Variants in TNIP1 observed in about 807,000 individuals in gnomAD.
TNIP1 encodes TNFAIP3-interacting protein 1.
A neutral mutation model predicts 86.6 loss-of-function variants in TNIP1; 22 were observed. That is an observed-to-expected ratio of 0.25 (90% CI 0.18 to 0.36). TNIP1 has a LOEUF of 0.36. Among genes scored for constraint, TNIP1 ranks in the 10% least tolerant of loss-of-function variants. TNIP1 has a pLI of 1.00. For synonymous variants in TNIP1, 294 were observed against 313.0 expected (o/e 0.94, Z 0.64); for missense variants, 709 against 820.6 (o/e 0.86, Z 1.66).
intron 14 of TNIP1, 105 bp downstream of exon 14, chr5:151,035,477 A>C: frequency 6.6e-7 from 1 of 1,522,938 alleles, no homozygotes; most frequent in South Asian, 1.2e-5. Context: ...GCTGGAGAGA[A>C]GCAGTGAGGG....
chr5:151,053,495 C>T (rs1364930993), intron 6 of TNIP1, among the ~76,000 whole-genome samples: 2 of 152,294 alleles, frequency 1.3e-5, no homozygotes, highest in South Asian at 2.1e-4. Context: ...GTCCATGAAC[C>T]ATCAGTCACT....
intron 1 of TNIP1, among the ~76,000 whole-genome samples, chr5:151,070,007 C>CG: frequency 6.6e-6 from 1 of 152,270 alleles, no homozygotes; most frequent in East Asian, 1.9e-4. Flanking sequence ...GCCAACCTTG[C>CG]GAACACGAGG....
intron 4 of TNIP1, among the ~76,000 whole-genome samples, 200 bp from the exon 5 acceptor site, chr5:151,060,595 A>G (rs1004792667): frequency 6.6e-6 from 1 of 152,206 alleles, no homozygotes; most frequent in Non-Finnish European, 1.5e-5. Context: ...ATGTGAGGTC[A>G]TATCCCCTCG....
At chr5:151,072,746 G>A (rs1762956275) in intron 1 of TNIP1, among the ~76,000 whole-genome samples, 1 of 152,120 alleles carries the variant, frequency 6.6e-6, no homozygotes, top group African/African-American at 2.4e-5. Flanking sequence ...TTCCAGGCAT[G>A]GTTTGCCTGA....
chr5:151,042,637 T>G lies in TNIP1; in HGVS notation c.1037A>C (p.Gln346Pro), dbSNP rs1192364878. 6.2e-7 allele frequency: 1 copy of G among 1,614,020 alleles called. No homozygotes were observed. The highest frequency in any genetic ancestry group is 1.7e-5 in the Admixed American group (1 of 60,026). Residue 346 changes from glutamine (Q) to proline (P), a missense_variant, in exon 11 of 18, where the codon CAG (glutamine) becomes CCG (proline). Transcript: ENST00000521591. The stretch of plus-strand genomic sequence containing the variant: ...GGCCTCCAGGTCAGTCACCTGCTTC[T>G]GCAAATCAGCCAGCTTCTGACGCAG... Reference protein sequence around the residue: ...TELRQKLADLQKQVTDLEAER... With the variant: ...TELRQKLADLPKQVTDLEAER...
At chr5:151,034,060 A>G (rs1757306572) in intron 15 of TNIP1, among the ~76,000 whole-genome samples, 1 of 152,074 alleles carries the variant, frequency 6.6e-6, no homozygotes, top group African/African-American at 2.4e-5. Flanking sequence ...ATGGGCACAG[A>G]AGGCTGGTAC....
rs200564984 is a variant in TNIP1, at chr5:151,039,185, C to T, written c.1175G>A (p.Arg392His). 5.0e-6 allele frequency: 8 copies of T among 1,613,718 alleles called. No homozygotes were observed. Among genetic ancestry groups the T allele is most frequent in the East Asian group, 2.2e-5 (1 of 44,876 alleles). ...EQLTAEAKEL[R>H]QKVKYLQDQL... ...ATCCTGCAGGTACTTGACCTTTTGG[C>T]GCAGCTCCTTGGCCTCTGCTGTCAG... The change falls in exon 12 of 18, where the codon CGC becomes CAC. Residue 392 changes from arginine (R) to histidine (H), a missense_variant. Physicochemically the swap from Arg to His is conservative, Grantham distance 29. Transcript: ENST00000521591.
intron 11 of TNIP1, 99 bp downstream of exon 11, chr5:151,042,441 C>G: frequency 6.6e-7 from 1 of 1,514,110 alleles, no homozygotes; most frequent in Non-Finnish European, 8.9e-7. Flanking sequence ...CACTAGACCC[C>G]CGGGTCTCCT....
chr5:151,086,898 G>A (rs543331026), intron 1 of TNIP1, among the ~76,000 whole-genome samples: 1 of 152,380 alleles, frequency 6.6e-6, no homozygotes, highest in South Asian at 2.1e-4. Flanking sequence ...GTGAGGAGCA[G>A]GGGCTGGGAG....
rs760868810 is a variant in TNIP1, at chr5:151,059,828, A to AGTGTGTGT, written c.435+482_435+489dup. ...GAGAGAGAGAGAGAGAGAGAGAGAG[A>AGTGTGTGT]GTGTGTGTGTGTGTGTGTGTGTGTG... On this transcript the variant is annotated intron_variant, in intron 5 of 17. Coordinates refer to ENST00000521591, the MANE Select transcript of TNIP1 (RefSeq NM_006058.5). 1.0e-3 allele frequency among the ~76,000 whole-genome samples: 59 copies of AGTGTGTGT among 56,394 alleles called. 1 individual carries two copies. The highest frequency in any genetic ancestry group is 9.8e-3 in the East Asian group (14 of 1,422). The allele number at this position is 56,394 out of a possible 152,430, so 37.0% of individuals were successfully genotyped here. A position where few individuals can be genotyped will look rare whatever the true frequency, so the allele number is the denominator to read the frequency against.
At chr5:151,076,320 G>A (rs1224071605) in intron 1 of TNIP1, among the ~76,000 whole-genome samples, 2 of 152,196 alleles carry the variant, frequency 1.3e-5, no homozygotes, top group Non-Finnish European at 2.9e-5. Context: ...CCAGGGATAG[G>A]AGGGGCAGGC....
chr5:151,085,629 C>A (rs185674114), upstream of TNIP1, among the ~76,000 whole-genome samples: 2 of 152,212 alleles, frequency 1.3e-5, no homozygotes, highest in Non-Finnish European at 2.9e-5. Context: ...TCGTCACATA[C>A]GTGGCCTAGC....
chr5:151,072,536 C>A (rs2113788296), intron 1 of TNIP1, among the ~76,000 whole-genome samples: 2 of 152,330 alleles, frequency 1.3e-5, no homozygotes, highest in Middle Eastern at 3.4e-3. Flanking sequence ...AGTTCTGTTT[C>A]CACTGGCCCT....
chr5:151,047,858 A>G (rs1014482956), intron 8 of TNIP1, among the ~76,000 whole-genome samples: 6 of 152,188 alleles, frequency 3.9e-5, no homozygotes, highest in Non-Finnish European at 8.8e-5. Context: ...CAAACAGAAG[A>G]AGGTCTGCAG....
chr5:151,056,397 T>C (rs2113612199), intron 6 of TNIP1, among the ~76,000 whole-genome samples: 1 of 152,224 alleles, frequency 6.6e-6, no homozygotes, highest in East Asian at 1.9e-4. Context: ...TCCCCACCTG[T>C]GAAGTGGTGA....
chr5:151,074,686 TA>T (rs1763184269), intron 1 of TNIP1, among the ~76,000 whole-genome samples: 1 of 152,168 alleles, frequency 6.6e-6, no homozygotes, highest in Non-Finnish European at 1.5e-5. Flanking sequence ...AGCTGAAAGC[TA>T]CCTAAAATGA....
intron 4 of TNIP1, 116 bp from the exon 5 acceptor site, chr5:151,060,511 G>T: frequency 1.2e-6 from 1 of 843,726 alleles, no homozygotes; most frequent in Non-Finnish European, 2.0e-6. Flanking sequence ...TGAGTACACA[G>T]GGACCGTTAC....
rs1006566070 is a variant in TNIP1, at chr5:151,035,721, A to T, written c.1396-14T>A. The T allele has an allele frequency of 6.2e-7, 1 of 1,613,418 alleles. No homozygotes were observed. The highest frequency in any genetic ancestry group is 1.7e-5 in the Admixed American group (1 of 59,994). On this transcript the variant is annotated splice_polypyrimidine_tract_variant and intron_variant, in intron 13 of 17. Coordinates refer to ENST00000521591, the MANE Select transcript of TNIP1 (RefSeq NM_006058.5). ...GAAGATCTTCACCTGGTGTGGAGGG[A>T]GGGTGAAGAGAGGGAGGGGGATGGT... is the stretch of plus-strand genomic sequence containing the variant.
At chr5:151,083,468 C>G (rs1764159895), upstream of TNIP1, among the ~76,000 whole-genome samples, 1 of 152,290 alleles carries the variant, frequency 6.6e-6, no homozygotes, top group South Asian at 2.1e-4. Context: ...GGGAGACAGG[C>G]CCCCTAGCCT....
Sources: allele counts gnomAD v4.1 joint callset (sites outside exome capture counted in the v4.1 genomes callset), GRCh38; gene constraint gnomAD v4.1.1; transcripts MANE v1.5; gene names NCBI Gene and HGNC (gene_info 2026-07-23, HGNC 2026-07-21).